NARS1: variants seen among roughly 807,000 people sequenced by gnomAD.
NARS1 encodes asparagine--tRNA ligase, cytoplasmic.
In NARS1, 65 loss-of-function variants were observed where a neutral mutation model predicts 79.2. The ratio of observed to expected loss-of-function variants is 0.82; its 90% confidence interval spans 0.67 to 1.01. NARS1 has a LOEUF of 1.01. Ranked by LOEUF, NARS1 falls within the 50% of genes least tolerant of loss-of-function variation. The pLI is 0.00. For synonymous variants in NARS1, 229 were observed against 238.8 expected (o/e 0.96, Z 0.38); for missense variants, 649 against 673.8 (o/e 0.96, Z 0.41).
chr18:57,606,457 AATT>A (rs983210285), intron 10 of NARS1, among the ~76,000 whole-genome samples, 156 bp downstream of exon 10: 2 of 151,988 alleles, frequency 1.3e-5, no homozygotes, highest in Non-Finnish European at 2.9e-5. Context: ...AACATTATAA[AATT>A]ATTGACAGTG....
chr18:57,616,788 G>A (rs759525299), intron 2 of NARS1, among the ~76,000 whole-genome samples: 3 of 151,896 alleles, frequency 2.0e-5, no homozygotes, highest in Non-Finnish European at 4.4e-5. Flanking sequence ...GGATCACCAG[G>A]TCAGGAGATC....
At position 57,610,194 on chromosome 18, in the gene NARS1, G is replaced by A. The variant is rs146491545; in HGVS notation, c.493-751C>T. ...CTAGTCATAAAAAAGACAACTGGCC[G>A]GGCACGGCGGCTCACACCTGTAATC... On this transcript the variant is annotated intron_variant, in intron 6 of 13. Coordinates refer to ENST00000256854, the MANE Select transcript of NARS1 (RefSeq NM_004539.4). 1.0e-3 allele frequency among the ~76,000 whole-genome samples: 153 copies of A among 152,302 alleles called. 1 individual carries two copies. Among genetic ancestry groups the A allele is most frequent in the African/African-American group, 3.1e-3 (130 of 41,568 alleles).
At chr18:57,609,758 G>A (rs552070244) in intron 6 of NARS1, among the ~76,000 whole-genome samples, 1 of 152,138 alleles carries the variant, frequency 6.6e-6, no homozygotes, top group Admixed American at 6.5e-5. Context: ...TAAAAATCTA[G>A]ACTATTAAAG....
chr18:57,621,254 CTT>C (rs548152796), intron 1 of NARS1, among the ~76,000 whole-genome samples: 14 of 139,298 alleles, frequency 1.0e-4, no homozygotes, highest in Non-Finnish European at 9.4e-5. Flanking sequence ...AGGTCTCTCT[CTT>C]TTTTTTTTTT....
At chr18:57,608,905 A>AG (rs1241624372) in intron 7 of NARS1, among the ~76,000 whole-genome samples, 1 of 152,220 alleles carries the variant, frequency 6.6e-6, no homozygotes, top group Non-Finnish European at 1.5e-5. Context: ...AAAAAGCAAG[A>AG]GGAAGAAGGT....
chr18:57,619,240 G>A (rs1262877889), intron 2 of NARS1, among the ~76,000 whole-genome samples: 1 of 145,506 alleles, frequency 6.9e-6, no homozygotes, highest in Non-Finnish European at 1.5e-5. Flanking sequence ...GGCCACAGGT[G>A]CATACCATAC....
In NARS1 at chr18:57,601,029, C is replaced by A. The variant is rs757339017; in HGVS notation, c.*623G>T. The A allele has an allele frequency of 5.3e-5, 8 of 152,184 alleles. No homozygotes were observed. The highest frequency in any genetic ancestry group is 1.2e-4 in the African/African-American group (5 of 41,442). The allele number at this position is 152,184 out of a possible 1,614,324, so 9.4% of individuals were successfully genotyped here. A position where few individuals can be genotyped will look rare whatever the true frequency, so the allele number is the denominator to read the frequency against. On this transcript the variant is annotated 3_prime_UTR_variant, in exon 14 of 14. Coordinates refer to ENST00000256854, the MANE Select transcript of NARS1 (RefSeq NM_004539.4). Reference sequence around the variant, plus strand: ...TTACTTCAAATCCTTTAAGGCAATTCTATTTTTACAAATTCTTCAATTTCT... The same window carrying A: ...TTACTTCAAATCCTTTAAGGCAATTATATTTTTACAAATTCTTCAATTTCT...
In NARS1 at chr18:57,602,904, T is replaced by C; in HGVS notation, c.1291A>G (p.Ile431Val). 3 of 1,614,174 alleles carry C rather than the reference T, an allele frequency of 1.9e-6. No homozygotes were observed. The highest frequency in any genetic ancestry group is 1.7e-6 in the Non-Finnish European group (2 of 1,180,000). The change falls in exon 12 of 14, where the codon ATT (isoleucine) becomes GTT (valine). Residue 431 changes from isoleucine to valine, a missense_variant. Coordinates refer to ENST00000256854, the MANE Select transcript of NARS1 (RefSeq NM_004539.4). The part of the protein sequence containing the change: ...EAPERLMTDT[I>V]NEPILLCRFP... ...CGACACAGCAAGATTGGTTCATTAA[T>C]GGTGTCTGTCATCAGTCTCTCAGGA...
At chr18:57,613,510 G>GA (rs2051622392) in intron 5 of NARS1, 92 bp downstream of exon 5, 4 of 1,174,334 alleles carry the variant, frequency 3.4e-6, no homozygotes, top group Non-Finnish European at 4.9e-6. Context: ...AAGGGGGAGA[G>GA]AAAAAAACCC....
Position 57,607,564 on chromosome 18 carries a change from A to T in NARS1, c.681T>A (p.Asp227Glu). Reference sequence around the variant, plus strand: ...TCATGTGTCTGTTGTTGAGCTGGACATCAACGTCAGACTCCTCATTGATCA... The same window carrying T: ...TCATGTGTCTGTTGTTGAGCTGGACTTCAACGTCAGACTCCTCATTGATCA... ...DNLINEESDVDVQLNNRHMMI... is the reference protein window; with the variant it reads ...DNLINEESDVEVQLNNRHMMI... The change falls in exon 8 of 14, where the codon GAT (aspartate) becomes GAA (glutamate). Residue 227 changes from aspartate to glutamate, a missense_variant. Asp to Glu is a conservative substitution (Grantham distance 45). Coordinates refer to ENST00000256854, the MANE Select transcript of NARS1 (RefSeq NM_004539.4). 1.9e-6 allele frequency: 3 copies of T among 1,613,990 alleles called. 1 individual carries two copies. Among genetic ancestry groups the T allele is most frequent in the East Asian group, 4.5e-5 (2 of 44,888 alleles).
At chr18:57,607,847 ACACT>A (rs1568163949) in intron 7 of NARS1, among the ~76,000 whole-genome samples, 182 bp from the exon 8 acceptor site, 1 of 151,590 alleles carries the variant, frequency 6.6e-6, no homozygotes. Flanking sequence ...GGATAAATAC[ACACT>A]CACATACACA....
chr18:57,621,419 C>A (rs990465763), intron 1 of NARS1, among the ~76,000 whole-genome samples: 2 of 152,198 alleles, frequency 1.3e-5, no homozygotes, highest in South Asian at 4.1e-4. Flanking sequence ...CGTCCCAGCG[C>A]CTGAGTCTCA....
chr18:57,614,013 C>CA (rs1220898181), intron 4 of NARS1, among the ~76,000 whole-genome samples: 1 of 152,164 alleles, frequency 6.6e-6, no homozygotes, highest in African/African-American at 2.4e-5. Context: ...GCAACAATCC[C>CA]AGTCCACATG....
chr18:57,603,282 G>A (rs2051525747), intron 11 of NARS1, among the ~76,000 whole-genome samples: 1 of 151,690 alleles, frequency 6.6e-6, no homozygotes, highest in Non-Finnish European at 1.5e-5. Flanking sequence ...TTTTCTCAGT[G>A]GCCCGTTTTG....
intron 11 of NARS1, among the ~76,000 whole-genome samples, chr18:57,603,632 T>C (rs1490301935): frequency 6.6e-6 from 1 of 152,184 alleles, no homozygotes; most frequent in Non-Finnish European, 1.5e-5. Flanking sequence ...AAGTTAAAAC[T>C]GACAACTCTC....
rs149641016 is a variant in NARS1 at position 57,611,238 on chromosome 18, T to C, written c.492+399A>G. ...ACTTCAGCCTCCCAAAGTGCCGAGA[T>C]TACAGGCATGAGCCACCATGCCCAG... On this transcript the variant is annotated intron_variant, in intron 6 of 13. Coordinates refer to ENST00000256854, the MANE Select transcript of NARS1 (RefSeq NM_004539.4). Among the ~76,000 whole-genome samples, 1,316 of 152,188 alleles carry C rather than the reference T, an allele frequency of 8.6e-3. 15 individuals are homozygous for C. The highest frequency in any genetic ancestry group is 0.03 in the African/African-American group (1,251 of 41,512).
intron 2 of NARS1, among the ~76,000 whole-genome samples, 186 bp downstream of exon 2, chr18:57,620,379 AAAGT>A (rs55848372): frequency 0.096 from 14,663 of 152,240 alleles, 826 homozygotes; most frequent in Non-Finnish European, 0.13. Context: ...AAAATGTTAA[AAAGT>A]AAGTTTAGAC....
chr18:57,613,801 C>T, intron 4 of NARS1, 121 bp from the exon 5 acceptor site: 1 of 753,436 alleles, frequency 1.3e-6, no homozygotes, highest in Non-Finnish European at 2.2e-6. Flanking sequence ...AAACTGGAGA[C>T]AGCCCCTCTA....
At position 57,615,766 on chromosome 18, in the gene NARS1, T is replaced by C. The variant is rs1397090517; in HGVS notation, c.253-36A>G. The C allele has an allele frequency of 2.5e-6, 4 of 1,610,506 alleles. No individual in the cohort carries two copies. The Admixed American group carries it at 6.7e-5, about 27-fold the overall frequency. On this transcript the variant is annotated intron_variant, in intron 3 of 13. Coordinates refer to ENST00000256854, the MANE Select transcript of NARS1 (RefSeq NM_004539.4). Reference sequence around the variant, plus strand: ...TGATGAAGCAGTTTGTTAACATGGTTGCCAGAGTTCTAACTTTAACAACGT... The same window carrying C: ...TGATGAAGCAGTTTGTTAACATGGTCGCCAGAGTTCTAACTTTAACAACGT...
Sources: allele counts gnomAD v4.1 joint callset (sites outside exome capture counted in the v4.1 genomes callset), GRCh38; gene constraint gnomAD v4.1.1; transcripts MANE v1.5; gene names NCBI Gene and HGNC (gene_info 2026-07-23, HGNC 2026-07-21).